AAK1: variants seen among roughly 807,000 people sequenced by gnomAD.
The protein encoded by AAK1 is AP2-associated protein kinase 1.
In AAK1, 37 loss-of-function variants were observed where a neutral mutation model predicts 116.0. That is an observed-to-expected ratio of 0.32 (90% CI 0.25 to 0.42). AAK1 has a LOEUF of 0.42. Among genes scored for constraint, AAK1 ranks in the 10% least tolerant of loss-of-function variants. The pLI, the probability that AAK1 is intolerant of heterozygous loss-of-function variation, is 1.00. For synonymous variants in AAK1, 458 were observed against 439.9 expected, an observed-to-expected ratio of 1.04 and a Z score of -0.51; for missense variants, 919 against 1,170.6, an observed-to-expected ratio of 0.79 and a Z score of 3.14.
At chr2:69,567,455 G>GA (rs762612606) in intron 2 of AAK1, among the ~76,000 whole-genome samples, 9 of 152,190 alleles carry the variant, frequency 5.9e-5, no homozygotes, top group Non-Finnish European at 1.0e-4. Flanking sequence ...GACGATGACT[G>GA]ATTCACTGTG....
rs2105027093 is a variant in AAK1 at position 69,532,137 on chromosome 2, C to T, written c.560G>A (p.Arg187Gln). The T allele has an allele frequency of 1.2e-6, 2 of 1,613,568 alleles. No individual in the cohort carries two copies. Among genetic ancestry groups the T allele is most frequent in the Non-Finnish European group, 1.7e-6 (2 of 1,179,590 alleles). Residue 187 changes from arginine (R) to glutamine (Q), a missense_variant, in exon 6 of 22, where the codon CGA becomes CAA. Physicochemically the swap from Arg to Gln is conservative, Grantham distance 43 (BLOSUM62 1). Transcript: ENST00000409085. ...LKVENILLHDRGHYVLCDFGS... is the reference protein window; with the variant it reads ...LKVENILLHDQGHYVLCDFGS... Reference sequence around the variant, plus strand: ...AAAGTCACACAGGACATAGTGGCCTCGGTCATGCAAGAGGATGTTTTCAAC... The same window carrying T: ...AAAGTCACACAGGACATAGTGGCCTTGGTCATGCAAGAGGATGTTTTCAAC...
At chr2:69,590,614 C>T (rs1407820812) in intron 2 of AAK1, among the ~76,000 whole-genome samples, 1 of 152,240 alleles carries the variant, frequency 6.6e-6, no homozygotes, top group African/African-American at 2.4e-5. Context: ...CTGCATATTG[C>T]AGATACAGGA....
rs767289889 is a variant in AAK1, at chr2:69,542,625, T to C, written c.432A>G (p.Thr144=). The change falls in exon 5 of 22, where the codon ACA becomes ACG. Residue 144 remains threonine (T), a synonymous_variant. Coordinates refer to ENST00000409085, the MANE Select transcript of AAK1 (RefSeq NM_014911.5). ...GGAGCACTTCATTCTCTGTAAAGCC[T>C]GTTTGCAGGCGCTGGTTCATCAGGT... is the stretch of plus-strand genomic sequence containing the variant. The part of the protein sequence containing the change: ...VVNLMNQRLQ[T]GFTENEVLQI... 1 of 1,613,896 alleles carries C rather than the reference T, an allele frequency of 6.2e-7. No individual in the cohort carries two copies. Among genetic ancestry groups the C allele is most frequent in the African/African-American group, 1.3e-5 (1 of 74,926 alleles).
At chr2:69,604,201 T>C (rs1673698761) in intron 2 of AAK1, among the ~76,000 whole-genome samples, 1 of 152,188 alleles carries the variant, frequency 6.6e-6, no homozygotes, top group Admixed American at 6.5e-5. Context: ...GAATCAAATA[T>C]TAAAAATTAA....
At position 69,530,668 on chromosome 2, in the gene AAK1, T is replaced by C; in HGVS notation, c.695A>G (p.Asn232Ser). The change falls in exon 7 of 22, where the codon AAC becomes AGC. Residue 232 changes from asparagine (N) to serine (S), a missense_variant. Asn to Ser is a conservative substitution (Grantham distance 46). Transcript: ENST00000409085. ...AGTGATGATTTTGCCACTGTACAGGTTGACCATTTCTGGTGCTCGATAGGA... is the reference window on the plus strand; with the variant it reads ...AGTGATGATTTTGCCACTGTACAGGCTGACCATTTCTGGTGCTCGATAGGA... The part of the protein sequence containing the change: ...TLSYRAPEMV[N>S]LYSGKIITTK... 1.2e-6 allele frequency: 2 copies of C among 1,613,832 alleles called. No individual in the cohort carries two copies. The highest frequency in any genetic ancestry group is 1.7e-6 in the Non-Finnish European group (2 of 1,179,760).
chr2:69,623,333 G>A (rs1344239834), intron 2 of AAK1, among the ~76,000 whole-genome samples: 3 of 152,146 alleles, frequency 2.0e-5, no homozygotes, highest in African/African-American at 2.4e-5. Context: ...GACACATTAC[G>A]ACTGCCAAAA....
At chr2:69,571,973 G>A (rs565259530) in intron 2 of AAK1, among the ~76,000 whole-genome samples, 1 of 152,306 alleles carries the variant, frequency 6.6e-6, no homozygotes, top group South Asian at 2.1e-4. Flanking sequence ...GCCCTCAAAC[G>A]GGAGGAAACA....
intron 9 of AAK1, among the ~76,000 whole-genome samples, chr2:69,525,385 G>A (rs947175595): frequency 6.6e-6 from 1 of 152,176 alleles, no homozygotes; most frequent in African/African-American, 2.4e-5. Context: ...TCTACCTTCT[G>A]TACCATGGTG....
intron 4 of AAK1, 78 bp downstream of exon 4, chr2:69,544,358 A>T: frequency 8.9e-7 from 1 of 1,125,004 alleles, no homozygotes. Flanking sequence ...AGTGCACATT[A>T]AGTGAAATGA....
rs1397490693 is a variant in AAK1, at chr2:69,525,024, AT to A, written c.1055+8del. ...AAGGAGGACATGTGTTCATGAAGGC[AT>A]TTCTTACCTGGCCTTTGGCTGGGTC... On this transcript the variant is annotated splice_region_variant and intron_variant, in intron 10 of 21. Coordinates refer to ENST00000409085, the MANE Select transcript of AAK1 (RefSeq NM_014911.5). 1.2e-6 allele frequency: 2 copies of A among 1,613,388 alleles called. No individual in the cohort carries two copies. The highest frequency in any genetic ancestry group is 2.7e-5 in the African/African-American group (2 of 74,912).
At chr2:69,518,809 C>T (rs1054171317) in intron 12 of AAK1, 145 bp downstream of exon 12, 48 of 1,252,752 alleles carry the variant, frequency 3.8e-5, no homozygotes, top group African/African-American at 4.5e-5. Flanking sequence ...GTGATGGATC[C>T]GCTTCTCAAT....
chr2:69,630,905 C>G (rs1675146602), intron 2 of AAK1, among the ~76,000 whole-genome samples: 1 of 152,186 alleles, frequency 6.6e-6, no homozygotes, highest in Non-Finnish European at 1.5e-5. Context: ...CAGTGCTGCC[C>G]CCTTCCCCTC....
At chr2:69,494,420 C>T (rs1675659236) in intron 17 of AAK1, among the ~76,000 whole-genome samples, 1 of 152,186 alleles carries the variant, frequency 6.6e-6, no homozygotes, top group African/African-American at 2.4e-5. Flanking sequence ...CTGCACAGGA[C>T]AGTTACTTGC....
At chr2:69,507,709 T>TTA in intron 14 of AAK1, 131 bp from the exon 15 acceptor site, 2 of 387,398 alleles carry the variant, frequency 5.2e-6, no homozygotes, top group Non-Finnish European at 7.3e-6. Flanking sequence ...ACCACAGTAT[T>TTA]TTTTTTTTTT....
intron 2 of AAK1, among the ~76,000 whole-genome samples, chr2:69,593,665 T>C (rs1673134092): frequency 6.6e-6 from 1 of 152,206 alleles, no homozygotes; most frequent in African/African-American, 2.4e-5. Flanking sequence ...ATATTTATAA[T>C]TAATGTGAAT....
intron 16 of AAK1, among the ~76,000 whole-genome samples, chr2:69,496,431 T>A (rs1434381966): frequency 6.6e-6 from 1 of 152,006 alleles, no homozygotes; most frequent in African/African-American, 2.4e-5. Flanking sequence ...GCACAGCTAA[T>A]TTTTGTATTT....
At chr2:69,587,390 C>T (rs34259609) in intron 2 of AAK1, among the ~76,000 whole-genome samples, 80,658 of 149,782 alleles carry the variant, frequency 0.54, 23,501 homozygotes, top group East Asian at 0.77. Context: ...TATACACACA[C>T]GTGTGTACAT....
At position 69,482,716 on chromosome 2, in the gene AAK1, A is replaced by C; in HGVS notation, c.2462T>G (p.Val821Gly). The C allele has an allele frequency of 1.9e-6, 3 of 1,604,306 alleles. No individual in the cohort carries two copies. Among genetic ancestry groups the C allele is most frequent in the Middle Eastern group, 1.7e-4 (1 of 6,044 alleles). ...AACAGAGATGATGACTTTACCAATT[A>C]CAGCATCAGAAGTGCTACCAAAAGG... ...TDPFGSTSDA[V>G]IEKADVAVES... is the part of the protein sequence containing the mutation. The change falls in exon 18 of 22, where the codon GTA (valine) becomes GGA (glycine). Residue 821 changes from valine (V) to glycine (G), a missense_variant. Around this residue, in one of 4 missense-constraint regions of AAK1, gnomAD observed 263 missense variants for 285.5 expected, o/e 0.92. Transcript: ENST00000409085.
At position 69,466,640 on chromosome 2, in the gene AAK1, T is replaced by C. The variant is rs1403786630; in HGVS notation, c.*9229A>G. On this transcript the variant is annotated 3_prime_UTR_variant, in exon 22 of 22. Coordinates refer to ENST00000409085, the MANE Select transcript of AAK1 (RefSeq NM_014911.5). ...TGGTCAACCCGCGGCAAAAACATTG[T>C]GGGACCAAATAATAGATGTTGAAAA... is the stretch of plus-strand genomic sequence containing the variant. 7.3e-6 allele frequency: 8 copies of C among 1,093,864 alleles called. No homozygotes were observed. Among genetic ancestry groups the C allele is most frequent in the Admixed American group, 4.8e-5 (1 of 21,036 alleles). The allele number at this position is 1,093,864 out of a possible 1,614,324, so 67.8% of individuals were successfully genotyped here.
Sources: gnomAD v4.1 joint callset for allele counts (sites outside exome capture counted in the v4.1 genomes callset) on GRCh38, gnomAD v4.1.1 for gene constraint, gnomAD v4.1.1 regional missense constraint, MANE v1.5 for transcripts, NCBI Gene and HGNC (gene_info 2026-07-23, HGNC 2026-07-21) for gene names.